ASPM: variants seen among roughly 807,000 people sequenced by gnomAD.
The protein encoded by ASPM is assembly factor for spindle microtubules, also known as abnormal spindle-like microcephaly-associated protein.
A neutral mutation model predicts 366.4 loss-of-function variants in ASPM; 256 were observed. The observed-to-expected ratio is 0.70, with a 90% confidence interval of 0.63 to 0.77. ASPM has a LOEUF of 0.77. Ranked by LOEUF, ASPM falls within the 30% of genes least tolerant of loss-of-function variation. ASPM has a pLI of 0.00. For synonymous variants in ASPM, 1,414 were observed against 1,342.9 expected (o/e 1.05, Z -1.16); for missense variants, 4,146 against 4,090.4 (o/e 1.01, Z -0.37).
At chr1:197,090,542 A>G (rs1175614402) in intron 23 of ASPM, among the ~76,000 whole-genome samples, 154 bp from the exon 24 acceptor site, 1 of 152,096 alleles carries the variant, frequency 6.6e-6, no homozygotes, top group Non-Finnish European at 1.5e-5. Flanking sequence ...AAATAGCAAA[A>G]TCAACTTTCA....
rs1657934313 is a variant in ASPM, at chr1:197,122,284, A to G, written c.3616T>C (p.Tyr1206His). ...AFDHENTSEL[Y>H]KELLENEKKN... ...TTTTCATTTTCTAGGAGCTCTTTGT[A>G]TAGCTCTGAAGTATTTTCTATTATG... Residue 1206 changes from tyrosine to histidine, a missense_variant, in exon 15 of 28, where the codon TAC (tyrosine) becomes CAC (histidine). This residue lies in a region of ASPM where 3,624 missense variants were observed against 3,591.7 expected (regional missense o/e 1.01). Coordinates refer to ENST00000367409, the MANE Select transcript of ASPM (RefSeq NM_018136.5). 1.2e-6 allele frequency: 2 copies of G among 1,613,628 alleles called. No homozygotes were observed. Among genetic ancestry groups the G allele is most frequent in the African/African-American group, 1.3e-5 (1 of 74,908 alleles).
chr1:197,143,919 A>T, intron 2 of ASPM, 38 bp downstream of exon 2: 3 of 1,572,092 alleles, frequency 1.9e-6, no homozygotes, highest in Middle Eastern at 1.7e-4. Context: ...TTATTAAACA[A>T]TTTCTTAGAG....
intron 25 of ASPM, among the ~76,000 whole-genome samples, chr1:197,088,829 C>A (rs747357770): frequency 6.6e-6 from 1 of 151,968 alleles, no homozygotes; most frequent in Non-Finnish European, 1.5e-5. Flanking sequence ...AAGGCAGGAT[C>A]TAATTAGTTA....
intron 5 of ASPM, 63 bp downstream of exon 5, chr1:197,135,033 C>T (rs570146809): frequency 1.9e-5 from 24 of 1,234,744 alleles, no homozygotes; most frequent in East Asian, 2.6e-5. Context: ...GAATGACAAA[C>T]GATGTTAAAA....
chr1:197,146,147 C>CA lies in ASPM; in HGVS notation c.290dup (p.Leu98ValfsTer4). 2 of 1,614,072 alleles carry CA rather than the reference C, an allele frequency of 1.2e-6. No homozygotes were observed. Among genetic ancestry groups the CA allele is most frequent in the Non-Finnish European group, 8.5e-7 (1 of 1,179,994 alleles). ...CGCTCCTCCTGAGACCTACCTGCAA[C>CA]ACGAAACAGCGCTGCGACACACTGA... is the stretch of plus-strand genomic sequence containing the variant. On this transcript the variant is annotated frameshift_variant, in exon 1 of 28. Coordinates refer to ENST00000367409, the MANE Select transcript of ASPM (RefSeq NM_018136.5). LOFTEE classifies it high-confidence loss of function.
chr1:197,145,845 AATATATAT>A lies in ASPM; in HGVS notation c.297+288_297+295del, dbSNP rs71131744. Among the ~76,000 whole-genome samples, 38,020 of 147,538 alleles carry A rather than the reference AATATATAT, an allele frequency of 0.26. 5,218 individuals are homozygous for A. Among genetic ancestry groups the A allele is most frequent in the Middle Eastern group, 0.32 (90 of 282 alleles). ...CGTCTATCCTAGCCTTCAATTAGAG[AATATATAT>A]ATATATATATATATAATATTGACAC... On this transcript the variant is annotated intron_variant, in intron 1 of 27. Coordinates refer to ENST00000367409, the MANE Select transcript of ASPM (RefSeq NM_018136.5).
At position 197,086,948 on chromosome 1, in the gene ASPM, C is replaced by A; in HGVS notation, c.10186G>T (p.Val3396Phe). ...TTGTAGAGACTGTAAATACGGTCAA[C>A]AACTTTGGACCTACTTCGTACATCC... The part of the protein sequence containing the change: ...ASDVRSRSKV[V>F]DRIYSLYKLT... The change falls in exon 27 of 28, where the codon GTT becomes TTT. Residue 3396 changes from valine (V) to phenylalanine (F), a missense_variant. This residue lies in a region of ASPM where 3,624 missense variants were observed against 3,591.7 expected (regional missense o/e 1.01). Transcript: ENST00000367409. The A allele has an allele frequency of 3.1e-6, 5 of 1,609,896 alleles. No individual in the cohort carries two copies. Among genetic ancestry groups the A allele is most frequent in the Non-Finnish European group, 4.2e-6 (5 of 1,179,428 alleles).
chr1:197,146,220 T>A lies in ASPM; in HGVS notation c.218A>T (p.Glu73Val). ...LSLALDNPNE[E>V]VAEVKISHFP... ...GTGGGAGATCTTCACTTCTGCCACC[T>A]CCTCGTTAGGGTTGTCTAGGGCCAG... Residue 73 changes from glutamate to valine, a missense_variant, in exon 1 of 28, where the codon GAG becomes GTG. By Grantham distance (121) the Glu-to-Val change is moderately radical (BLOSUM62 -2). This residue lies in a region of ASPM where 512 missense variants were observed against 471.7 expected (regional missense o/e 1.09). Transcript: ENST00000367409. The A allele has an allele frequency of 6.2e-7, 1 of 1,614,034 alleles. No homozygotes were observed. The highest frequency in any genetic ancestry group is 8.5e-7 in the Non-Finnish European group (1 of 1,179,998).
chr1:197,144,004 G>A lies in ASPM; in HGVS notation c.394C>T (p.His132Tyr). 6.2e-7 allele frequency: 1 copy of A among 1,610,338 alleles called. No homozygotes were observed. The highest frequency in any genetic ancestry group is 2.2e-5 in the East Asian group (1 of 44,728). The change falls in exon 2 of 28, where the codon CAC becomes TAC. Residue 132 changes from histidine (H) to tyrosine (Y), a missense_variant. Physicochemically the swap from His to Tyr is moderately conservative, Grantham distance 83. Transcript: ENST00000367409. Reference sequence around the variant, plus strand: ...GCATTTCCTAGTAATATAGCTTGGTGTTTCAGAACATCATTTACAAGAAAT... The same window carrying A: ...GCATTTCCTAGTAATATAGCTTGGTATTTCAGAACATCATTTACAAGAAAT... Reference protein sequence around the residue: ...MTFLVNDVLKHQAILLGNAEE... With the variant: ...MTFLVNDVLKYQAILLGNAEE...
chr1:197,100,171 T>C (rs1213389100), intron 18 of ASPM, among the ~76,000 whole-genome samples: 3 of 151,742 alleles, frequency 2.0e-5, no homozygotes, highest in African/African-American at 7.2e-5. Flanking sequence ...AAAATTCTTC[T>C]AAGAGTGCTA....
chr1:197,132,083 T>G (rs1658272108), intron 7 of ASPM, among the ~76,000 whole-genome samples: 1 of 151,734 alleles, frequency 6.6e-6, no homozygotes, highest in Admixed American at 6.6e-5. Flanking sequence ...TACAATATGG[T>G]GTAATAATAT....
At chr1:197,121,393 G>C (rs1418070188) in intron 16 of ASPM, among the ~76,000 whole-genome samples, 1 of 152,002 alleles carries the variant, frequency 6.6e-6, no homozygotes, top group Non-Finnish European at 1.5e-5. Context: ...ATTAATAGCA[G>C]AAACCAAAAT....
rs79246047 is a variant in ASPM, at chr1:197,133,146, G to A, written c.2419+204C>T. Among the ~76,000 whole-genome samples the A allele has an allele frequency of 0.026, 3,916 of 152,080 alleles. 165 individuals are homozygous for A. The highest frequency in any genetic ancestry group is 0.088 in the African/African-American group (3,639 of 41,462). ...TTTTCACCACACATACACACAAGAA[G>A]GTAACTATGTGAGTAGATACATTAA... On this transcript the variant is annotated intron_variant, in intron 6 of 27. Coordinates refer to ENST00000367409, the MANE Select transcript of ASPM (RefSeq NM_018136.5).
intron 25 of ASPM, 59 bp from the exon 26 acceptor site, chr1:197,088,491 C>A: frequency 2.0e-6 from 3 of 1,491,596 alleles, no homozygotes; most frequent in South Asian, 2.4e-5. Context: ...TACAAACAAC[C>A]CAACCAAAAA....
chr1:197,141,184 T>A (rs1485696500), intron 3 of ASPM, among the ~76,000 whole-genome samples: 2 of 150,644 alleles, frequency 1.3e-5, no homozygotes, highest in Non-Finnish European at 3.0e-5. Context: ...TGTAAAGAGT[T>A]AAAAAAAAAA....
chr1:197,126,074 G>T (rs553944729), intron 10 of ASPM, among the ~76,000 whole-genome samples: 1 of 152,222 alleles, frequency 6.6e-6, no homozygotes, highest in African/African-American at 2.4e-5. Flanking sequence ...TAACTACTTA[G>T]AATTCCTAAC....
rs773913420 is a variant in ASPM, at chr1:197,090,305, A to G, written c.9720T>C (p.Asn3240=). ...GTTTGTTTTCTTCTCGAATCTCCCT[A>G]TTAACAACTTGAAGACTTAGTCGTA... ...KAIRLSLQVV[N]REIREENKLY... is the part of the protein sequence containing the mutation. Residue 3240 remains asparagine, a synonymous_variant, in exon 24 of 28, where the codon AAT becomes AAC. Coordinates refer to ENST00000367409, the MANE Select transcript of ASPM (RefSeq NM_018136.5). 1 of 1,612,928 alleles carries G rather than the reference A, an allele frequency of 6.2e-7. No homozygotes were observed.
chr1:197,138,057 A>G (rs919675250), intron 4 of ASPM, among the ~76,000 whole-genome samples: 28 of 152,328 alleles, frequency 1.8e-4, no homozygotes, highest in African/African-American at 6.5e-4. Flanking sequence ...TTTTATGCCT[A>G]TGAGTCCCCA....
At chr1:197,117,627 G>C (rs1201419825) in intron 17 of ASPM, among the ~76,000 whole-genome samples, 162 bp downstream of exon 17, 1 of 152,082 alleles carries the variant, frequency 6.6e-6, no homozygotes, top group Admixed American at 6.6e-5. Context: ...GCCTTCTGCT[G>C]AACACCATAA....
Sources: allele counts gnomAD v4.1 joint callset (sites outside exome capture counted in the v4.1 genomes callset), GRCh38; gene constraint gnomAD v4.1.1; regional missense constraint gnomAD v4.1.1; transcripts MANE v1.5; gene names NCBI Gene and HGNC (gene_info 2026-07-23, HGNC 2026-07-21).